The following BRWD1 variants were observed in gnomAD, a reference collection of about 807,000 sequenced individuals.
BRWD1 encodes bromodomain and WD repeat domain containing 1.
BRWD1 carries 82 observed loss-of-function variants against 251.2 expected under a neutral mutation model. The observed-to-expected ratio is 0.33, with a 90% confidence interval of 0.27 to 0.39. The LOEUF (loss-of-function observed/expected upper bound fraction) is 0.39, where lower values mean the gene tolerates loss of function less well. Among genes scored for constraint, BRWD1 ranks in the 10% least tolerant of loss-of-function variants. The probability of loss-of-function intolerance (pLI) is 1.00; values close to 1 mark genes in which losing one functional copy is unlikely to be tolerated. For synonymous variants in BRWD1, 918 were observed against 902.8 expected (o/e 1.02, Z -0.30); for missense variants, 2,233 against 2,711.6 (o/e 0.82, Z 3.92).
At chr21:39,208,073 G>A (rs538139542) in intron 36 of BRWD1, among the ~76,000 whole-genome samples, 1 of 152,228 alleles carries the variant, frequency 6.6e-6, no homozygotes, top group Non-Finnish European at 1.5e-5. Flanking sequence ...GATTATAAAC[G>A]ATGCCACTGA....
At chr21:39,241,047 C>T (rs1288559493) in intron 21 of BRWD1, among the ~76,000 whole-genome samples, 2 of 151,652 alleles carry the variant, frequency 1.3e-5, no homozygotes, top group African/African-American at 4.8e-5. Context: ...ATTACAGGCA[C>T]CCGCCACCAC....
chr21:39,241,638 A>G (rs1219462622), intron 21 of BRWD1, among the ~76,000 whole-genome samples: 1 of 152,090 alleles, frequency 6.6e-6, no homozygotes, highest in Non-Finnish European at 1.5e-5. Flanking sequence ...TATACAGACA[A>G]AAAAATACAT....
Position 39,192,034 on chromosome 21 carries a change from C to A in BRWD1, c.*4225G>T. The stretch of plus-strand genomic sequence containing the variant: ...CCAAATGATGTGACTCTCCCCCTCC[C>A]TCCATCAAATCTAGAAAAGCAATTC... On this transcript the variant is annotated 3_prime_UTR_variant, in exon 41 of 41. Coordinates refer to ENST00000342449, the MANE Select transcript of BRWD1 (RefSeq NM_033656.4). 5 of 984,950 alleles carry A rather than the reference C, an allele frequency of 5.1e-6. No homozygotes were observed. The highest frequency in any genetic ancestry group is 6.0e-6 in the Non-Finnish European group (5 of 829,544). 61.0% of individuals were successfully genotyped at this position (984,950 alleles called of 1,614,324 possible). A position where few individuals can be genotyped will look rare whatever the true frequency, so the allele number is the denominator to read the frequency against.
intron 4 of BRWD1, among the ~76,000 whole-genome samples, chr21:39,311,520 T>C (rs1318497822): frequency 1.3e-5 from 2 of 152,332 alleles, no homozygotes; most frequent in East Asian, 1.9e-4. Flanking sequence ...TCAAGTTATT[T>C]TCTCTCAGGT....
Position 39,189,753 on chromosome 21 carries a change from T to A in BRWD1, c.*6506A>T. ...TGAGTAAATTATAAAGTGCTTTTTC[T>A]CAAGAAAACTACAAACAGTTTTAGA... On this transcript the variant is annotated 3_prime_UTR_variant, in exon 41 of 41. Transcript: ENST00000342449. 2.0e-6 allele frequency: 2 copies of A among 983,784 alleles called. No individual in the cohort carries two copies. The highest frequency in any genetic ancestry group is 2.4e-6 in the Non-Finnish European group (2 of 828,434). The allele number at this position is 983,784 out of a possible 1,614,324, so 60.9% of individuals were successfully genotyped here.
intron 29 of BRWD1, 48 bp from the exon 30 acceptor site, chr21:39,218,708 A>G (rs753165476): frequency 1.4e-6 from 2 of 1,434,348 alleles, no homozygotes; most frequent in South Asian, 1.4e-5. Context: ...AACACAAAAA[A>G]TAAATATATA....
chr21:39,262,531 A>G (rs1192713572), intron 17 of BRWD1, among the ~76,000 whole-genome samples: 2 of 152,188 alleles, frequency 1.3e-5, no homozygotes, highest in Admixed American at 6.5e-5. Context: ...CCTGGCCAAC[A>G]TGGTGAAACC....
At chr21:39,207,426 CA>C (rs796927190) in intron 36 of BRWD1, among the ~76,000 whole-genome samples, 113 of 70,626 alleles carry the variant, frequency 1.6e-3, no homozygotes, top group Admixed American at 1.9e-3. Flanking sequence ...GAGACAGGCT[CA>C]AAAAAAAAAA....
At chr21:39,287,315 C>T (rs776189245) in intron 8 of BRWD1, among the ~76,000 whole-genome samples, 1 of 152,194 alleles carries the variant, frequency 6.6e-6, no homozygotes, top group African/African-American at 2.4e-5. Flanking sequence ...TTCTATCTTT[C>T]TTGAAACCAA....
At chr21:39,298,730 T>C in intron 4 of BRWD1, 148 bp from the exon 5 acceptor site, 1 of 562,620 alleles carries the variant, frequency 1.8e-6, no homozygotes, top group Non-Finnish European at 2.9e-6. Flanking sequence ...AAATAAACAA[T>C]AAGCTGATCT....
At position 39,293,812 on chromosome 21, in the gene BRWD1, T is replaced by G. The variant is rs1373180395; in HGVS notation, c.830A>C (p.Gln277Pro). 1 of 1,612,922 alleles carries G rather than the reference T, an allele frequency of 6.2e-7. No individual in the cohort carries two copies. Among genetic ancestry groups the G allele is most frequent in the Non-Finnish European group, 8.5e-7 (1 of 1,179,112 alleles). The change falls in exon 8 of 41, where the codon CAG (glutamine) becomes CCG (proline). Residue 277 changes from glutamine to proline, a missense_variant and splice_region_variant. Around this residue, in one of 12 missense-constraint regions of BRWD1, gnomAD observed 185 missense variants for 260.6 expected, o/e 0.71. Transcript: ENST00000342449. The stretch of plus-strand genomic sequence containing the variant: ...GTGCCCACTAAGCTACAAGTTTACC[T>G]GTAAAGATGTAATTGATCCTGTGTG... Reference protein sequence around the residue: ...QGHTGSITSLQFSPMAKGSQR... With the variant: ...QGHTGSITSLPFSPMAKGSQR...
intron 37 of BRWD1, among the ~76,000 whole-genome samples, chr21:39,205,111 A>T (rs940368537): frequency 2.0e-5 from 3 of 152,188 alleles, no homozygotes; most frequent in African/African-American, 7.2e-5. Context: ...AAGCTATAAA[A>T]CCCATGACTA....
chr21:39,266,947 C>G (rs1044173569), intron 15 of BRWD1, among the ~76,000 whole-genome samples: 2 of 152,130 alleles, frequency 1.3e-5, no homozygotes, highest in Non-Finnish European at 2.9e-5. Flanking sequence ...CGCTTATATT[C>G]TGCTTAAAGC....
upstream of BRWD1, among the ~76,000 whole-genome samples, chr21:39,315,512 T>C (rs1012920246): frequency 6.6e-6 from 1 of 152,014 alleles, no homozygotes; most frequent in Non-Finnish European, 1.5e-5. Context: ...TGCGCGCCTC[T>C]AGTCCCAGCT....
chr21:39,264,759 A>C (rs900790466), intron 16 of BRWD1, 74 bp from the exon 17 acceptor site: 3 of 1,492,802 alleles, frequency 2.0e-6, no homozygotes, highest in Non-Finnish European at 2.7e-6. Flanking sequence ...TAAACAGTTA[A>C]TTAAAACTAG....
At chr21:39,253,094 A>C (rs951150269) in intron 19 of BRWD1, among the ~76,000 whole-genome samples, 7 of 152,100 alleles carry the variant, frequency 4.6e-5, no homozygotes, top group Admixed American at 6.6e-5. Context: ...GTTTGAGACC[A>C]GCCTGGCCAA....
chr21:39,282,996 T>C (rs1341408635), intron 8 of BRWD1, among the ~76,000 whole-genome samples: 1 of 151,516 alleles, frequency 6.6e-6, no homozygotes, highest in Admixed American at 6.6e-5. Flanking sequence ...AACCTAACTG[T>C]CCATGAAAGA....
Position 39,313,630 on chromosome 21 carries a change from C to A in BRWD1, c.-139G>T, listed in dbSNP as rs916252979. On this transcript the variant is annotated 5_prime_UTR_variant, in exon 1 of 41. Coordinates refer to ENST00000342449, the MANE Select transcript of BRWD1 (RefSeq NM_033656.4). The stretch of plus-strand genomic sequence containing the variant: ...CGCCGCCGCCATACCGTGCGCGCCG[C>A]CTGGACCGACGCCTCCGCGGGGGAG... 1.7e-6 allele frequency: 1 copy of A among 578,064 alleles called. No homozygotes were observed. Among genetic ancestry groups the A allele is most frequent in the Non-Finnish European group, 2.5e-6 (1 of 396,468 alleles). The allele number at this position is 578,064 out of a possible 1,614,324, so 35.8% of individuals were successfully genotyped here.
At chr21:39,208,371 G>A (rs1047983212) in intron 36 of BRWD1, among the ~76,000 whole-genome samples, 1 of 152,182 alleles carries the variant, frequency 6.6e-6, no homozygotes, top group Admixed American at 6.5e-5. Flanking sequence ...AAGCAGTGTG[G>A]ATCCTGAATC....
Sources: gnomAD v4.1 joint callset for allele counts (sites outside exome capture counted in the v4.1 genomes callset) on GRCh38, gnomAD v4.1.1 for gene constraint, gnomAD v4.1.1 regional missense constraint, MANE v1.5 for transcripts, NCBI Gene and HGNC (gene_info 2026-07-23, HGNC 2026-07-21) for gene names.